The following MCM3AP variants were observed in gnomAD, a reference collection of about 807,000 sequenced individuals.
MCM3AP encodes the protein germinal-center associated nuclear protein.
A neutral mutation model predicts 184.1 loss-of-function variants in MCM3AP; 126 were observed. The observed-to-expected ratio is 0.68, with a 90% CI of 0.59 to 0.79. The LOEUF is 0.79. MCM3AP is among the 30% of genes least tolerant of loss of function. The pLI is 0.00. For synonymous variants in MCM3AP, 1,002 were observed against 979.3 expected (o/e 1.02, Z -0.43); for missense variants, 2,496 against 2,479.2 (o/e 1.01, Z -0.14).
At chr21:46,250,372 CT>C (rs11333389) in intron 20 of MCM3AP, 21,503 of 152,208 alleles carry the variant, frequency 0.14, 1,561 homozygotes, top group Middle Eastern at 0.18. Flanking sequence ...GAGGACCCCC[CT>C]GATTCCACCT....
intron 20 of MCM3AP, chr21:46,251,321 C>T (rs961816420): frequency 4.8e-6 from 2 of 418,140 alleles, no homozygotes; most frequent in Non-Finnish European, 8.5e-6. Flanking sequence ...AAGAAGCAGG[C>T]TGGGCTTGGT....
intron 5 of MCM3AP, among the ~76,000 whole-genome samples, chr21:46,276,184 GGACGTTGCAGTGAGCT>G (rs1376331873): frequency 6.6e-6 from 1 of 151,794 alleles, no homozygotes; most frequent in African/African-American, 2.4e-5. Context: ...CCCGGGAGGC[GGACGTTGCAGTGAGCT>G]GACGTTGCGC....
At chr21:46,272,970 G>T in intron 7 of MCM3AP, 141 bp from the exon 8 acceptor site, 1 of 816,764 alleles carries the variant, frequency 1.2e-6, no homozygotes, top group Non-Finnish European at 1.8e-6. Flanking sequence ...GGACTTTGTA[G>T]TGACTTAAAT....
chr21:46,266,993 G>A lies in MCM3AP; in HGVS notation c.2778C>T (p.Thr926=), dbSNP rs767219967. 22 of 1,614,050 alleles carry A rather than the reference G, an allele frequency of 1.4e-5. No homozygotes were observed. The South Asian group carries it at 1.8e-4, about 13-fold the overall frequency. Residue 926 remains threonine, a synonymous_variant, in exon 10 of 28, where the codon ACC becomes ACT. Coordinates refer to ENST00000291688, the MANE Select transcript of MCM3AP (RefSeq NM_003906.5). The stretch of plus-strand genomic sequence containing the variant: ...TTCTCAGCTCTTACCCGTCGGAAAC[G>A]GTGAGGCCGTGGCAGGTGAGGAAGT... The part of the protein sequence containing the change: ...ATDFLTCHGL[T]VSDGCVELNR...
At position 46,280,563 on chromosome 21, in the gene MCM3AP, G is replaced by A. The variant is rs753752425; in HGVS notation, c.1456C>T (p.Leu486=). ...AAACTTTTCCCCTTCTTTCTAGCCA[G>A]GGCTGCAGATGCCTGGAAAACAGTC... ...VHFFDHASAA[L]ARKKGKSLHK... The change falls in exon 3 of 28, where the codon CTG becomes TTG. Residue 486 remains leucine, a synonymous_variant. Coordinates refer to ENST00000291688, the MANE Select transcript of MCM3AP (RefSeq NM_003906.5). 5 of 1,612,170 alleles carry A rather than the reference G, an allele frequency of 3.1e-6. No individual in the cohort carries two copies. In the East Asian group the frequency reaches 8.9e-5, roughly 29 times the overall value.
At chr21:46,283,906 C>T (rs1421314106) in intron 1 of MCM3AP, 68 bp from the exon 2 acceptor site, 2 of 1,549,726 alleles carry the variant, frequency 1.3e-6, no homozygotes, top group East Asian at 2.3e-5. Context: ...CCAACTGTGT[C>T]GAAGCAGAGG....
At chr21:46,282,113 A>T (rs1341961716) in intron 2 of MCM3AP, among the ~76,000 whole-genome samples, 1 of 152,146 alleles carries the variant, frequency 6.6e-6, no homozygotes, top group Non-Finnish European at 1.5e-5. Context: ...GACCTGCCTG[A>T]GCAACACAGT....
In MCM3AP at chr21:46,235,163, A is replaced by C; in HGVS notation, c.*105T>G. 8.0e-7 allele frequency: 1 copy of C among 1,247,616 alleles called. No homozygotes were observed. Among genetic ancestry groups the C allele is most frequent in the Non-Finnish European group, 1.1e-6 (1 of 888,990 alleles). The allele number at this position is 1,247,616 out of a possible 1,614,324, so 77.3% of individuals were successfully genotyped here. ...TTTAAATGGTTTATCTGCATGATTA[A>C]ATTAATCACATTTCCAACAGTGCAT... On this transcript the variant is annotated 3_prime_UTR_variant, in exon 28 of 28. Transcript: ENST00000291688.
At chr21:46,280,411 G>C (rs2145716657) in intron 3 of MCM3AP, 86 bp downstream of exon 3, 2 of 1,041,132 alleles carry the variant, frequency 1.9e-6, no homozygotes, top group South Asian at 1.5e-5. Flanking sequence ...CCCAAGATCA[G>C]ACTGGGCAAC....
chr21:46,254,281 C>G, intron 19 of MCM3AP, 111 bp downstream of exon 19: 1 of 1,158,072 alleles, frequency 8.6e-7, no homozygotes. Context: ...AAACATAAAC[C>G]TACACTTCCG....
At chr21:46,260,573 G>A (rs1483801949) in intron 15 of MCM3AP, among the ~76,000 whole-genome samples, 1 of 152,240 alleles carries the variant, frequency 6.6e-6, no homozygotes, top group African/African-American at 2.4e-5. Flanking sequence ...CTATGATCAT[G>A]TGGTGGCAGC....
At chr21:46,274,683 C>G (rs1213174055) in intron 6 of MCM3AP, among the ~76,000 whole-genome samples, 1 of 152,040 alleles carries the variant, frequency 6.6e-6, no homozygotes, top group Non-Finnish European at 1.5e-5. Flanking sequence ...CGCCTGTAAT[C>G]CCAGCACTTT....
intron 14 of MCM3AP, 26 bp downstream of exon 14, chr21:46,261,254 C>T (rs376574772): frequency 1.0e-4 from 165 of 1,612,588 alleles, no homozygotes; most frequent in Non-Finnish European, 1.2e-4. Context: ...GCTCCTTATT[C>T]GGCTGCATGG....
Position 46,280,514 on chromosome 21 carries a change from C to T in MCM3AP, c.1505G>A (p.Trp502Ter), listed in dbSNP as rs78622700. ...AAACTCACTTATTTTCTTCCTGTGC[C>T]AAAAGATAGCCATGTCTTTATGCAA... ...KSLHKDMAIF[W>*]HRKKISPNKK... The change falls in exon 3 of 28, where the codon TGG (tryptophan) becomes TAG (stop). Residue 502 changes from tryptophan to a stop codon, truncating the protein, a stop_gained. Coordinates refer to ENST00000291688, the MANE Select transcript of MCM3AP (RefSeq NM_003906.5). LOFTEE classifies it high-confidence loss of function. The T allele has an allele frequency of 6.2e-7, 1 of 1,610,694 alleles. No individual in the cohort carries two copies. Among genetic ancestry groups the T allele is most frequent in the Non-Finnish European group, 8.5e-7 (1 of 1,177,886 alleles).
At chr21:46,238,745 A>T (rs2080594120) in intron 26 of MCM3AP, among the ~76,000 whole-genome samples, 1 of 51,788 alleles carries the variant, frequency 1.9e-5, no homozygotes, top group African/African-American at 9.1e-5. Context: ...AAACCACTTA[A>T]ATTATAGAGA....
intron 20 of MCM3AP, among the ~76,000 whole-genome samples, chr21:46,248,653 C>G (rs990132256): frequency 6.8e-6 from 1 of 147,720 alleles, no homozygotes; most frequent in African/African-American, 2.5e-5. Flanking sequence ...AATACGTGAA[C>G]CAAAGAAAAC....
intron 27 of MCM3AP, chr21:46,236,309 A>G (rs949971268): frequency 2.0e-5 from 3 of 152,234 alleles, no homozygotes; most frequent in African/African-American, 4.8e-5. Context: ...TGCATCTTTA[A>G]CCACTGAAGG....
At chr21:46,285,891 G>A (rs962704922), upstream of MCM3AP, 2 of 152,600 alleles carry the variant, frequency 1.3e-5, no homozygotes, top group Non-Finnish European at 2.9e-5. Flanking sequence ...GGGCTGGAAG[G>A]ACGAGGGCGC....
chr21:46,259,168 A>G (rs2081002944), intron 15 of MCM3AP, 77 bp from the exon 16 acceptor site: 7 of 1,464,956 alleles, frequency 4.8e-6, no homozygotes, highest in Admixed American at 4.3e-5. Flanking sequence ...GAAAAGTGCA[A>G]GAGTCAGTCA....
Sources: allele counts gnomAD v4.1 joint callset (sites outside exome capture counted in the v4.1 genomes callset), GRCh38; gene constraint gnomAD v4.1.1; transcripts MANE v1.5; gene names NCBI Gene and HGNC (gene_info 2026-07-23, HGNC 2026-07-21).